Variants in ARL6IP1 observed in about 807,000 individuals in gnomAD.
ARL6IP1 encodes the protein ADP-ribosylation factor-like protein 6-interacting protein 1.
Under a neutral mutation model 30.1 loss-of-function variants are expected in ARL6IP1, and 16 were observed. The observed-to-expected ratio is 0.53, with a 90% CI of 0.36 to 0.81. The LOEUF (loss-of-function observed/expected upper bound fraction) is 0.81, where lower values mean the gene tolerates loss of function less well. ARL6IP1 is among the 30% of genes least tolerant of loss of function. ARL6IP1 has a pLI of 0.01. For missense variants in ARL6IP1, 173 were observed against 242.7 expected, an observed-to-expected ratio of 0.71 and a Z score of 1.91; for synonymous variants, 72 against 84.8, an observed-to-expected ratio of 0.85 and a Z score of 0.83.
rs2030119508 is a variant in ARL6IP1, at chr16:18,793,192, G to A, written c.*60C>T. The A allele has an allele frequency of 9.1e-7, 1 of 1,100,900 alleles. No individual in the cohort carries two copies. The highest frequency in any genetic ancestry group is 1.4e-6 in the Non-Finnish European group (1 of 730,966). The allele number at this position is 1,100,900 out of a possible 1,614,324, so 68.2% of individuals were successfully genotyped here. A position where few individuals can be genotyped will look rare whatever the true frequency, so the allele number is the denominator to read the frequency against. ...AACATTTTAGTATCCAGATAGTACAGCAGAAACGGTTCCCGGGGCAATGGG... is the reference window on the plus strand; with the variant it reads ...AACATTTTAGTATCCAGATAGTACAACAGAAACGGTTCCCGGGGCAATGGG... On this transcript the variant is annotated 3_prime_UTR_variant, in exon 6 of 6. Transcript: ENST00000304414.
chr16:18,798,076 CAT>C (rs773393456), intron 2 of ARL6IP1, 32 bp from the exon 3 acceptor site: 3 of 1,547,088 alleles, frequency 1.9e-6, no homozygotes, highest in Non-Finnish European at 1.7e-6. Context: ...GTTAGAAAAA[CAT>C]AGTCATTATT....
At chr16:18,793,495 A>G in intron 5 of ARL6IP1, 125 bp from the exon 6 acceptor site, 1 of 570,662 alleles carries the variant, frequency 1.8e-6, no homozygotes, top group East Asian at 3.2e-5. Context: ...GCAATGGCGC[A>G]ATCTTGGCTC....
In ARL6IP1 at chr16:18,793,147, G is replaced by T; in HGVS notation, c.*105C>A. 2.7e-6 allele frequency: 2 copies of T among 737,132 alleles called. No homozygotes were observed. Among genetic ancestry groups the T allele is most frequent in the Non-Finnish European group, 4.5e-6 (2 of 443,818 alleles). 45.7% of individuals were successfully genotyped at this position (737,132 alleles called of 1,614,324 possible). On this transcript the variant is annotated 3_prime_UTR_variant, in exon 6 of 6. Coordinates refer to ENST00000304414, the MANE Select transcript of ARL6IP1 (RefSeq NM_015161.3). ...TATTAACTAAGGGCAGAGTGAGGGA[G>T]AACAAAGAGCTACTTCCGTAACATT...
At chr16:18,797,691 A>G (rs2030283075) in intron 3 of ARL6IP1, 1 of 382,162 alleles carries the variant, frequency 2.6e-6, no homozygotes, top group Non-Finnish European at 4.6e-6. Context: ...CCTAAATATC[A>G]ATGGAAATGT....
At chr16:18,797,432 T>C (rs1037753564) in intron 3 of ARL6IP1, among the ~76,000 whole-genome samples, 1 of 151,632 alleles carries the variant, frequency 6.6e-6, no homozygotes, top group African/African-American at 2.4e-5. Context: ...GCAACCCATG[T>C]GTATACAGCT....
Position 18,801,451 on chromosome 16 carries a change from T to A in ARL6IP1, c.16A>T (p.Asn6Tyr), listed in dbSNP as rs1473243895. The change falls in exon 1 of 6, where the codon AAT becomes TAT. Residue 6 changes from asparagine (N) to tyrosine (Y), a missense_variant. Transcript: ENST00000304414. Reference sequence around the variant, plus strand: ...CTCACCAGCAGGTTGGTGCTGCGATTATCTCCCTCCGCCATCGTCTCGGGG... The same window carrying A: ...CTCACCAGCAGGTTGGTGCTGCGATAATCTCCCTCCGCCATCGTCTCGGGG... MAEGD[N>Y]RSTNLLAAET... 1.3e-5 allele frequency: 21 copies of A among 1,612,772 alleles called. No homozygotes were observed. Among genetic ancestry groups the A allele is most frequent in the Non-Finnish European group, 1.7e-5 (20 of 1,179,732 alleles).
rs1271554904 is a variant in ARL6IP1 at position 18,801,483 on chromosome 16, T to G, written c.-17A>C. ...CTCCGCCATCGTCTCGGGGATGCAG[T>G]CTCTACAAGCGCAGGCCACCTCCCC... is the stretch of plus-strand genomic sequence containing the variant. On this transcript the variant is annotated 5_prime_UTR_variant, in exon 1 of 6. Transcript: ENST00000304414. The G allele has an allele frequency of 1.1e-5, 17 of 1,611,216 alleles. No individual in the cohort carries two copies. The highest frequency in any genetic ancestry group is 1.3e-5 in the African/African-American group (1 of 74,798).
intron 4 of ARL6IP1, 126 bp from the exon 5 acceptor site, chr16:18,794,809 A>T: frequency 1.7e-6 from 1 of 593,428 alleles, no homozygotes; most frequent in South Asian, 2.5e-5. Context: ...TTTTATTATC[A>T]CTTTTCTTTA....
intron 4 of ARL6IP1, among the ~76,000 whole-genome samples, chr16:18,794,975 G>C (rs996886949): frequency 6.6e-6 from 1 of 151,116 alleles, no homozygotes; most frequent in Non-Finnish European, 1.5e-5. Flanking sequence ...GCCTCACGAC[G>C]TGAAGCTTAC....
At chr16:18,798,108 T>A in intron 2 of ARL6IP1, 64 bp from the exon 3 acceptor site, 1 of 1,422,502 alleles carries the variant, frequency 7.0e-7, no homozygotes, top group Non-Finnish European at 9.5e-7. Context: ...TAAACATGTC[T>A]AACTTAACTA....
At chr16:18,798,431 CT>C (rs1458565488) in intron 2 of ARL6IP1, 4 of 373,412 alleles carry the variant, frequency 1.1e-5, no homozygotes, top group Non-Finnish European at 1.9e-5. Context: ...TTTCCCAGAA[CT>C]TAAAGTATAA....
In ARL6IP1 at chr16:18,793,438, T is replaced by G. The variant is rs1262803858; in HGVS notation, c.494-68A>C. On this transcript the variant is annotated intron_variant, in intron 5 of 5. Transcript: ENST00000304414. ...ACCTGCTAAAGGTTATTACTTTTTT[T>G]TTTTTTTTTTGAGACAAAGTTTCAC... 1.0e-4 allele frequency: 99 copies of G among 957,238 alleles called. No homozygotes were observed. The African/African-American group carries it at 1.4e-3, about 13-fold the overall frequency. The allele number at this position is 957,238 out of a possible 1,614,324, so 59.3% of individuals were successfully genotyped here.
At chr16:18,799,147 G>A (rs1360589664) in intron 1 of ARL6IP1, among the ~76,000 whole-genome samples, 2 of 152,022 alleles carry the variant, frequency 1.3e-5, no homozygotes, top group Admixed American at 6.6e-5. Context: ...ATACTCCTGA[G>A]TAGTTGGGAC....
chr16:18,794,508 A>C, intron 5 of ARL6IP1, 91 bp downstream of exon 5: 1 of 894,704 alleles, frequency 1.1e-6, no homozygotes, highest in South Asian at 1.5e-5. Flanking sequence ...TCGGTGTCTA[A>C]AACTTAGGAA....
At chr16:18,798,193 A>G (rs973728999) in intron 2 of ARL6IP1, 149 bp from the exon 3 acceptor site, 4 of 703,828 alleles carry the variant, frequency 5.7e-6, no homozygotes, top group African/African-American at 5.5e-5. Context: ...GGCTTTCCAG[A>G]GGCTTTGTGA....
At chr16:18,794,142 G>A (rs2030158655) in intron 5 of ARL6IP1, among the ~76,000 whole-genome samples, 1 of 152,122 alleles carries the variant, frequency 6.6e-6, no homozygotes, top group Non-Finnish European at 1.5e-5. Context: ...AGTAGAGACA[G>A]GGTTTCGCCA....
At chr16:18,798,631 C>T in intron 2 of ARL6IP1, 70 bp downstream of exon 2, 2 of 1,526,686 alleles carry the variant, frequency 1.3e-6, no homozygotes, top group Non-Finnish European at 1.8e-6. Context: ...CTCCCACAAA[C>T]AGAAGCTATA....
In ARL6IP1 at chr16:18,792,395, G is replaced by T. The variant is rs1266346977; in HGVS notation, c.*857C>A. The T allele has an allele frequency of 2.0e-5, 3 of 152,156 alleles. No individual in the cohort carries two copies. The highest frequency in any genetic ancestry group is 6.5e-5 in the Admixed American group (1 of 15,292). The allele number at this position is 152,156 out of a possible 1,614,324, so 9.4% of individuals were successfully genotyped here. A position where few individuals can be genotyped will look rare whatever the true frequency, so the allele number is the denominator to read the frequency against. ...CTGAAATGAATATTGACTAAACATAGAAGACTGCTGTCCTTTTGCCAGTCT... is the reference window on the plus strand; with the variant it reads ...CTGAAATGAATATTGACTAAACATATAAGACTGCTGTCCTTTTGCCAGTCT... On this transcript the variant is annotated 3_prime_UTR_variant, in exon 6 of 6. Transcript: ENST00000304414.
chr16:18,801,203 G>A, intron 1 of ARL6IP1: 1 of 1,408,146 alleles, frequency 7.1e-7, no homozygotes, highest in East Asian at 2.7e-5. Context: ...TCCTACTCGC[G>A]GTGATGAATC....
Sources: gnomAD v4.1 joint callset for allele counts (sites outside exome capture counted in the v4.1 genomes callset) on GRCh38, gnomAD v4.1.1 for gene constraint, MANE v1.5 for transcripts, NCBI Gene and HGNC (gene_info 2026-07-23, HGNC 2026-07-21) for gene names.